The following MYH2 variants were observed in gnomAD, a reference collection of about 807,000 sequenced individuals.
MYH2 encodes the protein myosin-2.
In MYH2, 139 loss-of-function variants were observed where a neutral mutation model predicts 228.1. The ratio of observed to expected loss-of-function variants is 0.61; its 90% CI spans 0.53 to 0.70. The LOEUF is 0.70. Among genes scored for constraint, MYH2 ranks in the 30% least tolerant of loss-of-function variants. The probability of loss-of-function intolerance (pLI) is 0.00; values close to 1 mark genes in which losing one functional copy is unlikely to be tolerated. For missense variants in MYH2, 1,809 were observed against 2,357.5 expected (o/e 0.77, Z 4.82); for synonymous variants, 796 against 871.1 (o/e 0.91, Z 1.52).
In MYH2 at chr17:10,523,683, T is replaced by A. The variant is rs773587129; in HGVS notation, c.5302-17A>T. 6.2e-7 allele frequency: 1 copy of A among 1,614,204 alleles called. No homozygotes were observed. Among genetic ancestry groups the A allele is most frequent in the South Asian group, 1.1e-5 (1 of 91,072 alleles). ...CATGGCGGCCTAAATAGCAAATAAA[T>A]CAAGAAAACCAAGAAAGTTATAGAT... is the stretch of plus-strand genomic sequence containing the variant. On this transcript the variant is annotated splice_polypyrimidine_tract_variant and intron_variant, in intron 36 of 39. Coordinates refer to ENST00000245503, the MANE Select transcript of MYH2 (RefSeq NM_017534.6).
chr17:10,540,465 C>G (rs1431950537), intron 11 of MYH2, 129 bp downstream of exon 11: 2 of 809,566 alleles, frequency 2.5e-6, no homozygotes, highest in East Asian at 5.4e-5. Context: ...TTTCATTTGA[C>G]TCCAAGGGGC....
intron 28 of MYH2, among the ~76,000 whole-genome samples, chr17:10,527,332 T>C (rs1253121633): frequency 6.6e-6 from 1 of 152,204 alleles, no homozygotes; most frequent in Non-Finnish European, 1.5e-5. Context: ...GTGAGGACTG[T>C]CAAATGAGTA....
chr17:10,537,851 T>A lies in MYH2; in HGVS notation c.1417-16A>T, dbSNP rs1207885638. 6.2e-7 allele frequency: 1 copy of A among 1,614,110 alleles called. No homozygotes were observed. Among genetic ancestry groups the A allele is most frequent in the Non-Finnish European group, 8.5e-7 (1 of 1,180,044 alleles). ...GGCTGTTGAACTAAATAAATAGATATGTTTACTTCTCTCTTAAGCAAATTG... is the reference window on the plus strand; with the variant it reads ...GGCTGTTGAACTAAATAAATAGATAAGTTTACTTCTCTCTTAAGCAAATTG... On this transcript the variant is annotated splice_polypyrimidine_tract_variant and intron_variant, in intron 14 of 39. Coordinates refer to ENST00000245503, the MANE Select transcript of MYH2 (RefSeq NM_017534.6). The surrounding 1 kb of genome is among the most constrained non-coding windows in gnomAD (Gnocchi z 4.0).
Position 10,539,371 on chromosome 17 carries a change from A to G in MYH2, c.1267-17T>C, listed in dbSNP as rs2073522950. ...GTTGGACACCTTAAAAGACAAAATT[A>G]TAACTCTCGAAGTTATTAAAGGCCT... On this transcript the variant is annotated splice_polypyrimidine_tract_variant and intron_variant, in intron 13 of 39. Transcript: ENST00000245503. The G allele has an allele frequency of 3.7e-6, 6 of 1,614,204 alleles. No homozygotes were observed. The highest frequency in any genetic ancestry group is 1.3e-5 in the African/African-American group (1 of 75,060).
chr17:10,530,161 T>C, intron 22 of MYH2, 87 bp from the exon 23 acceptor site: 4 of 1,607,038 alleles, frequency 2.5e-6, no homozygotes, highest in Non-Finnish European at 3.4e-6. Context: ...ATTTGATCTT[T>C]TGAATTTCCT....
At chr17:10,535,709 C>T (rs147580278) in intron 17 of MYH2, among the ~76,000 whole-genome samples, 2 of 152,322 alleles carry the variant, frequency 1.3e-5, no homozygotes, top group African/African-American at 4.8e-5. Context: ...TTTCTTCTAC[C>T]AAATTCCATA....
intron 10 of MYH2, among the ~76,000 whole-genome samples, chr17:10,541,480 C>T (rs1424553859): frequency 6.6e-6 from 1 of 152,182 alleles, no homozygotes; most frequent in Admixed American, 6.5e-5. Context: ...TGCTCTCAAA[C>T]CCTGCCTCCT....
At chr17:10,532,497 A>G (rs1360845243) in intron 21 of MYH2, among the ~76,000 whole-genome samples, 1 of 152,194 alleles carries the variant, frequency 6.6e-6, no homozygotes, top group African/African-American at 2.4e-5. Context: ...ATAGACAATT[A>G]CCCAAATATA....
intron 39 of MYH2, among the ~76,000 whole-genome samples, chr17:10,522,621 C>T (rs2073298593): frequency 6.6e-6 from 1 of 151,972 alleles, no homozygotes; most frequent in Non-Finnish European, 1.5e-5. Context: ...ATAATGAAAG[C>T]ATTTAAAGCA....
chr17:10,532,323 G>T (rs1007324450), intron 21 of MYH2, among the ~76,000 whole-genome samples: 2 of 152,120 alleles, frequency 1.3e-5, no homozygotes, highest in Admixed American at 1.3e-4. Flanking sequence ...AGTGAAGGGG[G>T]AACACAGCTC....
chr17:10,521,307 A>C lies in MYH2; in HGVS notation c.5799T>G (p.Val1933=), dbSNP rs200525850. 1 of 1,613,908 alleles carries C rather than the reference A, an allele frequency of 6.2e-7. No homozygotes were observed. The highest frequency in any genetic ancestry group is 8.5e-7 in the Non-Finnish European group (1 of 1,180,032). Residue 1933 remains valine, a synonymous_variant, in exon 40 of 40, where the codon GTT becomes GTG. Transcript: ENST00000245503. ...VNKLRVKSRE[V]HTKVISEE is the part of the protein sequence containing the mutation. ...ACTCTTCACTTATGACTTTTGTGTGAACCTCCCGGCTCTTCACCCGCAGTT... is the reference window on the plus strand; with the variant it reads ...ACTCTTCACTTATGACTTTTGTGTGCACCTCCCGGCTCTTCACCCGCAGTT...
Position 10,547,771 on chromosome 17 carries a change from C to T in MYH2, c.150G>A (p.Gly50=), listed in dbSNP as rs776510901. 2.2e-5 allele frequency: 35 copies of T among 1,614,226 alleles called. No individual in the cohort carries two copies. Among genetic ancestry groups the T allele is most frequent in the Non-Finnish European group, 3.0e-5 (35 of 1,180,044 alleles). ...VAEPKESFVK[G]TIQSREGGKV... Reference sequence around the variant, plus strand: ...TTCCTCCTTCTCTGCTCTGGATGGTCCCTTTGACAAAGGATTCTTTGGGCT... The same window carrying T: ...TTCCTCCTTCTCTGCTCTGGATGGTTCCTTTGACAAAGGATTCTTTGGGCT... The change falls in exon 3 of 40, where the codon GGG becomes GGA. Residue 50 remains glycine (G), a synonymous_variant. Transcript: ENST00000245503.
chr17:10,545,275 G>T (rs2073612800), intron 5 of MYH2, 71 bp downstream of exon 5: 1 of 1,610,316 alleles, frequency 6.2e-7, no homozygotes, highest in Non-Finnish European at 8.5e-7. Context: ...TGTTGAGATT[G>T]CCTCGAGTCT....
rs2073310462 is a variant in MYH2 at position 10,523,554 on chromosome 17, T to C, written c.5414A>G (p.Glu1805Gly). The change falls in exon 37 of 40, where the codon GAG becomes GGG. Residue 1805 changes from glutamate (E) to glycine (G), a missense_variant. By Grantham distance (98) the Glu-to-Gly change is moderately conservative. Around this residue, in one of 9 missense-constraint regions of MYH2, gnomAD observed 278 missense variants for 308.5 expected, o/e 0.90. Coordinates refer to ENST00000245503, the MANE Select transcript of MYH2 (RefSeq NM_017534.6). The part of the protein sequence containing the change: ...TVKDLQLRLD[E>G]AEQLALKGGK... The stretch of plus-strand genomic sequence containing the variant: ...ACCCTTCAGGGCCAGCTGCTCAGCC[T>C]CATCCAGACGGAGCTGCAGATCCTT... 1 of 1,614,220 alleles carries C rather than the reference T, an allele frequency of 6.2e-7. No individual in the cohort carries two copies. Among genetic ancestry groups the C allele is most frequent in the Non-Finnish European group, 8.5e-7 (1 of 1,180,036 alleles).
chr17:10,541,026 C>T (rs892250385), intron 10 of MYH2, among the ~76,000 whole-genome samples: 1 of 152,182 alleles, frequency 6.6e-6, no homozygotes, highest in Non-Finnish European at 1.5e-5. Flanking sequence ...TCTCTTAATC[C>T]TGTCATCTTC....
intron 22 of MYH2, 143 bp from the exon 23 acceptor site, chr17:10,530,217 C>T (rs2073409147): frequency 2.2e-6 from 3 of 1,377,426 alleles, no homozygotes; most frequent in Non-Finnish European, 3.0e-6. Context: ...TCATGAACCA[C>T]CCTACTGTGT....
rs188774984 is a variant in MYH2 at position 10,546,837 on chromosome 17, T to C, written c.348+638A>G. On this transcript the variant is annotated intron_variant, in intron 4 of 39. Transcript: ENST00000245503. Reference sequence around the variant, plus strand: ...GCTTATGCCTGTAATCCCAGCACTTTGGGAGGCCAAGGCAGGCGGATCATT... The same window carrying C: ...GCTTATGCCTGTAATCCCAGCACTTCGGGAGGCCAAGGCAGGCGGATCATT... 1.0e-3 allele frequency among the ~76,000 whole-genome samples: 153 copies of C among 151,350 alleles called. 1 individual carries two copies. In the East Asian group the frequency reaches 0.017, roughly 17 times the overall value.
intron 22 of MYH2, 98 bp downstream of exon 22, chr17:10,531,535 G>A: frequency 3.3e-6 from 5 of 1,529,284 alleles, no homozygotes; most frequent in Non-Finnish European, 4.5e-6. Context: ...CTTCCAATGA[G>A]TGTCTCCCTT....
chr17:10,533,362 G>A lies in MYH2; in HGVS notation c.2364C>T (p.Ala788=), dbSNP rs369107023. 3.7e-5 allele frequency: 59 copies of A among 1,614,040 alleles called. No individual in the cohort carries two copies. Among genetic ancestry groups the A allele is most frequent in the Non-Finnish European group, 4.9e-5 (58 of 1,180,022 alleles). Reference sequence around the variant, plus strand: ...TGGCCTGGGTTCGGGTAATCAGCTGGGCCAGCTTGTCATCTCGCATCTCCT... The same window carrying A: ...TGGCCTGGGTTCGGGTAATCAGCTGAGCCAGCTTGTCATCTCGCATCTCCT... ...LLEEMRDDKL[A]QLITRTQARC... is the part of the protein sequence containing the mutation. The change falls in exon 21 of 40, where the codon GCC becomes GCT. Residue 788 remains alanine, a synonymous_variant. Coordinates refer to ENST00000245503, the MANE Select transcript of MYH2 (RefSeq NM_017534.6).
Sources: allele counts gnomAD v4.1 joint callset (sites outside exome capture counted in the v4.1 genomes callset), GRCh38; gene constraint gnomAD v4.1.1; regional missense constraint gnomAD v4.1.1; non-coding constraint Gnocchi (gnomAD v3.1); transcripts MANE v1.5; gene names NCBI Gene and HGNC (gene_info 2026-07-23, HGNC 2026-07-21).